Variants in NADK observed in about 807,000 individuals in gnomAD.
NADK encodes poly(P)/ATP NAD kinase.
Under a neutral mutation model 49.8 loss-of-function variants are expected in NADK, and 22 were observed. That is an observed-to-expected ratio of 0.44 (90% CI 0.32 to 0.63). The LOEUF (loss-of-function observed/expected upper bound fraction) is 0.63, where lower values mean the gene tolerates loss of function less well. Among genes scored for constraint, NADK ranks in the 30% least tolerant of loss-of-function variants. The pLI, the probability that NADK is intolerant of heterozygous loss-of-function variation, is 0.06. For synonymous variants in NADK, 268 were observed against 253.7 expected, an observed-to-expected ratio of 1.06 and a Z score of -0.54; for missense variants, 438 against 609.4, an observed-to-expected ratio of 0.72 and a Z score of 2.96.
Position 1,765,431 on chromosome 1 carries a change from A to T in NADK, c.-25T>A. Reference sequence around the variant, plus strand: ...TTGTCAGGAAATGAGAACTTCGGTCAGAAAAACACTGATGCCTTAATTTAA... The same window carrying T: ...TTGTCAGGAAATGAGAACTTCGGTCTGAAAAACACTGATGCCTTAATTTAA... On this transcript the variant is annotated 5_prime_UTR_variant, in exon 2 of 12. Coordinates refer to ENST00000341426, the MANE Select transcript of NADK (RefSeq NM_023018.5). The T allele has an allele frequency of 6.6e-7, 1 of 1,513,038 alleles. No individual in the cohort carries two copies. The highest frequency in any genetic ancestry group is 9.0e-7 in the Non-Finnish European group (1 of 1,114,222). The allele number at this position is 1,513,038 out of a possible 1,614,324, so 93.7% of individuals were successfully genotyped here.
intron 2 of NADK, among the ~76,000 whole-genome samples, chr1:1,762,929 C>T (rs1645772791): frequency 6.6e-6 from 1 of 152,240 alleles, no homozygotes; most frequent in Non-Finnish European, 1.5e-5. Flanking sequence ...CGCTGTGCTC[C>T]TCAGGGTCCA....
chr1:1,776,134 C>T (rs1172495514), intron 1 of NADK, among the ~76,000 whole-genome samples: 4 of 152,192 alleles, frequency 2.6e-5, no homozygotes, highest in Non-Finnish European at 4.4e-5. Context: ...TCGAGTCCCG[C>T]AAACACCCAC....
At chr1:1,756,155 C>T (rs905247400) in intron 6 of NADK, 103 bp downstream of exon 6, 50 of 1,133,160 alleles carry the variant, frequency 4.4e-5, no homozygotes, top group East Asian at 1.2e-4. Flanking sequence ...TGACTGCTCT[C>T]GTATAAAGGG....
chr1:1,768,891 G>A (rs1005574616), intron 1 of NADK, among the ~76,000 whole-genome samples: 3 of 152,142 alleles, frequency 2.0e-5, no homozygotes, highest in African/African-American at 4.8e-5. Context: ...CCTATGCTAC[G>A]GTCAAAGCCA....
intron 1 of NADK, among the ~76,000 whole-genome samples, chr1:1,769,016 C>T (rs1379447159): frequency 6.6e-6 from 1 of 152,204 alleles, no homozygotes; most frequent in African/African-American, 2.4e-5. Context: ...ATGATCAGAA[C>T]CTGAAGGTAC....
At chr1:1,759,789 C>T (rs1316745499) in intron 3 of NADK, 10 of 1,556,106 alleles carry the variant, frequency 6.4e-6, no homozygotes, top group Non-Finnish European at 6.1e-6. Context: ...ACTGAGTACG[C>T]CCTGGTCTGA....
chr1:1,754,637 C>T lies in NADK; in HGVS notation c.750G>A (p.Gly250=). 6.2e-7 allele frequency: 1 copy of T among 1,613,812 alleles called. No individual in the cohort carries two copies. The highest frequency in any genetic ancestry group is 2.2e-5 in the East Asian group (1 of 44,872). ...LKVRVVKELR[G]KKTAVHNGLG... ...GCCCATTGTGCACGGCCGTCTTCTT[C>T]CCCCGGAGCTCCTTCACCACCCTGA... is the stretch of plus-strand genomic sequence containing the variant. The change falls in exon 8 of 12, where the codon GGG becomes GGA. Residue 250 remains glycine (G), a synonymous_variant. Coordinates refer to ENST00000341426, the MANE Select transcript of NADK (RefSeq NM_023018.5). This position sits in a 1 kb window ranked among gnomAD's most constrained non-coding sequence, Gnocchi z 4.3.
chr1:1,758,906 G>A (rs1557842521), intron 3 of NADK, among the ~76,000 whole-genome samples: 1 of 152,162 alleles, frequency 6.6e-6, no homozygotes, highest in Non-Finnish European at 1.5e-5. Flanking sequence ...GGAACCGGCT[G>A]GGCCCCAGGG....
chr1:1,755,004 T>C (rs1223995259), intron 7 of NADK: 2 of 393,746 alleles, frequency 5.1e-6, no homozygotes, highest in South Asian at 3.0e-5. Flanking sequence ...GTATTTTTAG[T>C]AGAGACGGGG....
At chr1:1,769,495 G>A (rs1200315019) in intron 1 of NADK, among the ~76,000 whole-genome samples, 4 of 152,108 alleles carry the variant, frequency 2.6e-5, no homozygotes, top group Admixed American at 6.5e-5. Flanking sequence ...TGCTTGCAGC[G>A]AGCCGATATC....
chr1:1,752,844 C>A lies in NADK; in HGVS notation c.*60G>T. On this transcript the variant is annotated 3_prime_UTR_variant, in exon 12 of 12. Transcript: ENST00000341426. The stretch of plus-strand genomic sequence containing the variant: ...CGGTCACAGACACACGCAGATTGGT[C>A]TGTCCCCAGAGGGCGCTTGGAGGGC... 1 of 1,561,922 alleles carries A rather than the reference C, an allele frequency of 6.4e-7. No individual in the cohort carries two copies. Among genetic ancestry groups the A allele is most frequent in the South Asian group, 1.2e-5 (1 of 83,814 alleles).
intron 1 of NADK, among the ~76,000 whole-genome samples, chr1:1,770,517 C>G (rs1350164962): frequency 6.6e-6 from 1 of 152,104 alleles, no homozygotes; most frequent in East Asian, 1.9e-4. Context: ...TAGCAATAGA[C>G]AACAGGAAAT....
chr1:1,755,783 C>T (rs1022250435), intron 6 of NADK, among the ~76,000 whole-genome samples: 4 of 152,094 alleles, frequency 2.6e-5, no homozygotes, highest in African/African-American at 9.7e-5. Flanking sequence ...GTCGGAGCCT[C>T]GCGCCCCACA....
At chr1:1,775,024 G>T (rs540423523) in intron 1 of NADK, among the ~76,000 whole-genome samples, 4 of 152,000 alleles carry the variant, frequency 2.6e-5, no homozygotes, top group Non-Finnish European at 5.9e-5. Flanking sequence ...CAGGAGAATC[G>T]CTTGAACCCA....
chr1:1,774,757 C>A (rs1304930985), intron 1 of NADK, among the ~76,000 whole-genome samples: 1 of 152,180 alleles, frequency 6.6e-6, no homozygotes, highest in African/African-American at 2.4e-5. Context: ...AAAGGACACA[C>A]AATGCTAGCT....
intron 5 of NADK, 60 bp downstream of exon 5, chr1:1,756,443 C>CT: frequency 6.2e-7 from 1 of 1,612,122 alleles, no homozygotes; most frequent in Non-Finnish European, 8.5e-7. Flanking sequence ...GTGCCAGAAG[C>CT]TTCCAATGGG....
Position 1,759,788 on chromosome 1 carries a change from G to A in NADK, c.263+2164C>T, listed in dbSNP as rs74046214. 1.5e-3 allele frequency: 2,405 copies of A among 1,556,160 alleles called. 3 individuals carry two copies. The highest frequency in any genetic ancestry group is 5.9e-3 in the African/African-American group (437 of 73,458). ...GGGCAGCTCGGGGACCACTGAGTAC[G>A]CCCTGGTCTGAGGGCTGAGGCAGAA... On this transcript the variant is annotated intron_variant, in intron 3 of 11. Coordinates refer to ENST00000341426, the MANE Select transcript of NADK (RefSeq NM_023018.5).
chr1:1,758,967 C>T, intron 3 of NADK: 1 of 1,210,560 alleles, frequency 8.3e-7, no homozygotes, highest in African/African-American at 1.6e-5. Context: ...TGCCTCCTAG[C>T]CCGCTGCGTC....
intron 1 of NADK, among the ~76,000 whole-genome samples, chr1:1,770,457 G>T (rs576578455): frequency 1.3e-5 from 2 of 152,306 alleles, no homozygotes; most frequent in East Asian, 3.9e-4. Flanking sequence ...TATTAGCAAG[G>T]TTTCAGAAGG....
Sources: gnomAD v4.1 joint callset for allele counts (sites outside exome capture counted in the v4.1 genomes callset) on GRCh38, gnomAD v4.1.1 for gene constraint, Gnocchi (gnomAD v3.1) non-coding constraint, MANE v1.5 for transcripts, NCBI Gene and HGNC (gene_info 2026-07-23, HGNC 2026-07-21) for gene names.